Variants in GALNTL5 observed in about 807,000 individuals in gnomAD.
GALNTL5 encodes inactive polypeptide N-acetylgalactosaminyltransferase-like protein 5.
A neutral mutation model predicts 51.0 loss-of-function variants in GALNTL5; 44 were observed. The observed-to-expected ratio is 0.86, with a 90% confidence interval of 0.68 to 1.11. The LOEUF (loss-of-function observed/expected upper bound fraction) is 1.11. GALNTL5 is among the 50% of genes least tolerant of loss of function. The pLI is 0.00. For missense variants in GALNTL5, 528 were observed against 531.8 expected, an observed-to-expected ratio of 0.99 and a Z score of 0.07; for synonymous variants, 192 against 182.8, an observed-to-expected ratio of 1.05 and a Z score of -0.41.
intron 5 of GALNTL5, among the ~76,000 whole-genome samples, chr7:151,997,560 G>A (rs1239021033): frequency 1.6e-4 from 24 of 152,118 alleles, no homozygotes; most frequent in Admixed American, 1.5e-3. Context: ...CTGTTCCCAC[G>A]TTTTTAACTT....
chr7:151,973,406 A>G (rs2081171131), intron 3 of GALNTL5, among the ~76,000 whole-genome samples: 1 of 152,028 alleles, frequency 6.6e-6, no homozygotes, highest in African/African-American at 2.4e-5. Context: ...CAGAGGTTGC[A>G]GTAAGCCAAG....
chr7:152,007,797 A>G, intron 6 of GALNTL5, 30 bp from the exon 7 acceptor site: 1 of 1,183,300 alleles, frequency 8.5e-7, no homozygotes, highest in Admixed American at 1.7e-5. Flanking sequence ...TCTCTGTGAA[A>G]TTAATTTCAT....
Position 151,979,106 on chromosome 7 carries a change from C to CCTTTTTTTTT in GALNTL5, c.369-3880_369-3879insCTTTTTTTTT, listed in dbSNP as rs1554405638. On this transcript the variant is annotated intron_variant, in intron 3 of 8. Coordinates refer to ENST00000392800, the MANE Select transcript of GALNTL5 (RefSeq NM_145292.4). The stretch of plus-strand genomic sequence containing the variant: ...AAAGGCCATCCAAATTACTTTTACT[C>CCTTTTTTTTT]TTTTTTTTTTTTTTTTTTTTGGAGA... 2.8e-5 allele frequency among the ~76,000 whole-genome samples: 2 copies of CCTTTTTTTTT among 71,164 alleles called. 1 individual carries two copies. The allele number at this position is 71,164 out of a possible 152,430, so 46.7% of individuals were successfully genotyped here. A position where few individuals can be genotyped will look rare whatever the true frequency, so the allele number is the denominator to read the frequency against.
At chr7:151,969,535 G>A (rs140418757) in intron 2 of GALNTL5, among the ~76,000 whole-genome samples, 1 of 152,128 alleles carries the variant, frequency 6.6e-6, no homozygotes, top group African/African-American at 2.4e-5. Flanking sequence ...AACCAGCAAT[G>A]TATCCCCTAG....
At chr7:152,017,038 CAA>C (rs201395203) in intron 8 of GALNTL5, among the ~76,000 whole-genome samples, 9 of 116,608 alleles carry the variant, frequency 7.7e-5, no homozygotes, top group East Asian at 2.6e-4. Flanking sequence ...AGCTCCATCT[CAA>C]AAAAAAAAAA....
At chr7:151,965,596 A>T (rs1395966562) in intron 1 of GALNTL5, among the ~76,000 whole-genome samples, 1 of 152,154 alleles carries the variant, frequency 6.6e-6, no homozygotes, top group Non-Finnish European at 1.5e-5. Context: ...TAACAGTAGG[A>T]GGCTGGACAT....
intron 1 of GALNTL5, among the ~76,000 whole-genome samples, chr7:151,966,173 T>A (rs1017519678): frequency 2.6e-5 from 4 of 152,188 alleles, no homozygotes; most frequent in Admixed American, 2.0e-4. Flanking sequence ...CTCCAGCTGA[T>A]TCATTTCCAT....
At chr7:151,979,427 A>C (rs993372766) in intron 3 of GALNTL5, among the ~76,000 whole-genome samples, 16 of 147,058 alleles carry the variant, frequency 1.1e-4, no homozygotes, top group African/African-American at 4.0e-4. Flanking sequence ...TTTTACTCTT[A>C]AAAACAGCTT....
At chr7:151,964,154 GC>G (rs2081028484) in intron 1 of GALNTL5, among the ~76,000 whole-genome samples, 1 of 152,166 alleles carries the variant, frequency 6.6e-6, no homozygotes, top group Non-Finnish European at 1.5e-5. Context: ...GCAAGCACCT[GC>G]CTGGGGACTC....
At chr7:151,994,980 A>G (rs1221821280) in intron 5 of GALNTL5, 1 of 151,980 alleles carries the variant, frequency 6.6e-6, no homozygotes, top group African/African-American at 2.4e-5. Context: ...GATGGTCTCG[A>G]TCTCCTGACC....
intron 5 of GALNTL5, among the ~76,000 whole-genome samples, chr7:151,992,855 T>G (rs558286192): frequency 6.6e-6 from 1 of 152,106 alleles, no homozygotes; most frequent in East Asian, 1.9e-4. Context: ...AGTCACTAGG[T>G]GTAGATGTAA....
chr7:152,000,911 C>CTTT (rs66497039), intron 5 of GALNTL5, among the ~76,000 whole-genome samples: 50 of 128,810 alleles, frequency 3.9e-4, no homozygotes, highest in African/African-American at 1.3e-3. Context: ...TTTTTTCTTT[C>CTTT]TTTTTTTTTT....
intron 5 of GALNTL5, among the ~76,000 whole-genome samples, chr7:151,990,295 C>G (rs996921847): frequency 6.6e-6 from 1 of 151,976 alleles, no homozygotes; most frequent in Non-Finnish European, 1.5e-5. Context: ...CTACCTGCCT[C>G]GGCCTCCTGA....
chr7:151,988,742 C>T (rs1409965644), intron 5 of GALNTL5, among the ~76,000 whole-genome samples: 2 of 149,214 alleles, frequency 1.3e-5, no homozygotes, highest in African/African-American at 4.9e-5. Flanking sequence ...GACAGTTTCC[C>T]TCTGTCACCC....
chr7:151,971,679 T>C (rs1362087219), intron 3 of GALNTL5, among the ~76,000 whole-genome samples: 1 of 152,178 alleles, frequency 6.6e-6, no homozygotes. Context: ...AAATCTTGTC[T>C]TGAGTTGTAA....
At chr7:151,974,946 G>T (rs974168629) in intron 3 of GALNTL5, among the ~76,000 whole-genome samples, 3 of 152,112 alleles carry the variant, frequency 2.0e-5, no homozygotes, top group African/African-American at 7.2e-5. Context: ...CCACTACTAT[G>T]TTTAAAAATT....
At chr7:151,993,787 T>G (rs1185498360) in intron 5 of GALNTL5, among the ~76,000 whole-genome samples, 1 of 151,956 alleles carries the variant, frequency 6.6e-6, no homozygotes, top group African/African-American at 2.4e-5. Flanking sequence ...CCTGGCCTAT[T>G]TTTTTAATTT....
chr7:151,983,524 A>G (rs960285590), intron 4 of GALNTL5, among the ~76,000 whole-genome samples: 9 of 152,048 alleles, frequency 5.9e-5, no homozygotes, highest in African/African-American at 2.2e-4. Context: ...GCACTTGAGT[A>G]TTTTGTACAA....
chr7:152,015,275 A>T (rs1586858347), intron 8 of GALNTL5, among the ~76,000 whole-genome samples: 1 of 151,892 alleles, frequency 6.6e-6, no homozygotes, highest in Non-Finnish European at 1.5e-5. Flanking sequence ...GAGGTGCTGG[A>T]TCTATTCCCT....
Sources: allele counts gnomAD v4.1 joint callset (sites outside exome capture counted in the v4.1 genomes callset), GRCh38; gene constraint gnomAD v4.1.1; transcripts MANE v1.5; gene names NCBI Gene and HGNC (gene_info 2026-07-23, HGNC 2026-07-21).